ADAMTSL1: variants seen among roughly 807,000 people sequenced by gnomAD.
The protein encoded by ADAMTSL1 is ADAMTS-like protein 1.
A neutral mutation model predicts 201.8 loss-of-function variants in ADAMTSL1; 126 were observed. That is an observed-to-expected ratio of 0.62 (90% CI 0.54 to 0.72). ADAMTSL1 has a LOEUF of 0.72. ADAMTSL1 is among the 30% of genes least tolerant of loss of function. ADAMTSL1 has a pLI of 0.00. For synonymous variants in ADAMTSL1, 1,121 were observed against 903.4 expected, an observed-to-expected ratio of 1.24 and a Z score of -4.32; for missense variants, 2,679 against 2,277.8, an observed-to-expected ratio of 1.18 and a Z score of -3.59.
intron 4 of ADAMTSL1, among the ~76,000 whole-genome samples, chr9:18,607,966 C>G (rs971342826): frequency 6.6e-6 from 1 of 152,124 alleles, no homozygotes; most frequent in Non-Finnish European, 1.5e-5. Flanking sequence ...TTTTCTTAAT[C>G]TAGTCTATCA....
chr9:18,702,459 G>C (rs1043241848), intron 13 of ADAMTSL1, among the ~76,000 whole-genome samples: 1 of 152,100 alleles, frequency 6.6e-6, no homozygotes, highest in Admixed American at 6.5e-5. Flanking sequence ...ACCATTTAGG[G>C]ATTTTATAAG....
chr9:18,083,733 G>A lies in ADAMTSL1; in HGVS notation c.88-80129G>A, dbSNP rs528577538. ...ATGTGGACAACCTCGTCCATAAGAC[G>A]TACATAATGTTTCTGGGTATTCTGT... On this transcript the variant is annotated intron_variant, in intron 1 of 29. Coordinates refer to the ADAMTSL1 transcript ENST00000680146. 5.8e-4 allele frequency among the ~76,000 whole-genome samples: 89 copies of A among 152,292 alleles called. 1 individual carries two copies. Among genetic ancestry groups the A allele is most frequent in the South Asian group, 5.6e-3 (27 of 4,822 alleles).
intron 2 of ADAMTSL1, among the ~76,000 whole-genome samples, chr9:18,335,697 T>C (rs981656748): frequency 5.9e-5 from 9 of 152,274 alleles, no homozygotes; most frequent in Admixed American, 5.9e-4. Context: ...AACAAAAATG[T>C]GAACTATCTA....
intron 1 of ADAMTSL1, among the ~76,000 whole-genome samples, chr9:18,057,615 G>C (rs1271442947): frequency 6.6e-6 from 1 of 152,150 alleles, no homozygotes; most frequent in African/African-American, 2.4e-5. Flanking sequence ...AAATCTGACT[G>C]TGGGCTGACC....
intron 23 of ADAMTSL1, among the ~76,000 whole-genome samples, chr9:18,860,382 G>A (rs746982670): frequency 1.1e-4 from 16 of 152,048 alleles, no homozygotes; most frequent in Non-Finnish European, 1.6e-4. Context: ...GATTTTAGTG[G>A]GGCACAGCCC....
intron 1 of ADAMTSL1, among the ~76,000 whole-genome samples, chr9:17,921,407 A>C (rs763527330): frequency 2.0e-5 from 3 of 152,062 alleles, no homozygotes; most frequent in Non-Finnish European, 4.4e-5. Context: ...TATTCCAAAA[A>C]TTTATTTTCA....
At chr9:18,564,681 A>G (rs2132302223) in intron 3 of ADAMTSL1, among the ~76,000 whole-genome samples, 1 of 152,316 alleles carries the variant, frequency 6.6e-6, no homozygotes, top group Admixed American at 6.5e-5. Flanking sequence ...GCCATGTTAC[A>G]AAAGGATTAT....
chr9:18,168,975 T>C (rs1193661583), intron 2 of ADAMTSL1, among the ~76,000 whole-genome samples: 4 of 150,742 alleles, frequency 2.7e-5, no homozygotes, highest in Admixed American at 6.6e-5. Flanking sequence ...ATGGGGTTGT[T>C]TGTTTTTTCT....
intron 1 of ADAMTSL1, among the ~76,000 whole-genome samples, chr9:17,960,642 T>A (rs763145990): frequency 1.3e-5 from 2 of 152,216 alleles, no homozygotes; most frequent in Admixed American, 1.3e-4. Flanking sequence ...TGCAACATTG[T>A]CTTTTTCCTT....
In ADAMTSL1 at chr9:18,011,715, C is replaced by T. The variant is rs149642922; in HGVS notation, c.87+104793C>T. ...GTGTCAAATATCATGGAGCCTCTTT[C>T]ATTTTGTAGATGGGAAGGAAATCCA... is the stretch of plus-strand genomic sequence containing the variant. On this transcript the variant is annotated intron_variant, in intron 1 of 29. Transcript: ENST00000680146. Among the ~76,000 whole-genome samples the T allele has an allele frequency of 4.7e-4, 72 of 152,112 alleles. No individual in the cohort carries two copies. In the East Asian group the frequency reaches 0.013, roughly 28 times the overall value.
intron 1 of ADAMTSL1, among the ~76,000 whole-genome samples, chr9:18,503,028 C>T (rs2131918980): frequency 6.6e-6 from 1 of 152,052 alleles, no homozygotes; most frequent in Admixed American, 6.6e-5. Flanking sequence ...GTTTTTGTGC[C>T]AGTGAAATGT....
At chr9:18,355,988 C>A (rs528624953) in intron 2 of ADAMTSL1, among the ~76,000 whole-genome samples, 9 of 152,362 alleles carry the variant, frequency 5.9e-5, no homozygotes, top group African/African-American at 1.9e-4. Flanking sequence ...GATGGCCCAC[C>A]CACTTGGCCC....
At chr9:18,666,482 C>T (rs1204233433) in intron 9 of ADAMTSL1, among the ~76,000 whole-genome samples, 1 of 152,158 alleles carries the variant, frequency 6.6e-6, no homozygotes, top group Non-Finnish European at 1.5e-5. Flanking sequence ...GAGACACACC[C>T]TCCTGCATGT....
intron 2 of ADAMTSL1, among the ~76,000 whole-genome samples, chr9:18,266,681 C>T (rs998930897): frequency 1.3e-5 from 2 of 152,132 alleles, no homozygotes; most frequent in African/African-American, 4.8e-5. Context: ...CCATGGTCCT[C>T]ATCATGGTGA....
intron 4 of ADAMTSL1, among the ~76,000 whole-genome samples, chr9:18,621,059 C>T (rs1032171945): frequency 3.3e-5 from 5 of 152,122 alleles, no homozygotes; most frequent in African/African-American, 9.7e-5. Flanking sequence ...AAAGGCAAGA[C>T]GAACTGTGAG....
At position 17,993,396 on chromosome 9, in the gene ADAMTSL1, G is replaced by A. The variant is rs1281227354; in HGVS notation, c.87+86474G>A. Among the ~76,000 whole-genome samples the A allele has an allele frequency of 2.6e-5, 4 of 152,178 alleles. 1 individual carries two copies. The East Asian group carries it at 7.7e-4, about 29-fold the overall frequency. On this transcript the variant is annotated intron_variant, in intron 1 of 29. Coordinates refer to the ADAMTSL1 transcript ENST00000680146. ...GGATACCTCTGCTATACTGGTGAAA[G>A]TCATGGCTGAAGTTCATGCCTTTCA...
intron 3 of ADAMTSL1, among the ~76,000 whole-genome samples, chr9:18,566,916 G>A (rs1821937853): frequency 6.6e-6 from 1 of 152,156 alleles, no homozygotes; most frequent in Admixed American, 6.5e-5. Context: ...TGTGTTTTTT[G>A]TGTATAGAAA....
intron 2 of ADAMTSL1, among the ~76,000 whole-genome samples, chr9:18,287,595 A>G (rs1176898448): frequency 1.5e-5 from 2 of 129,316 alleles, no homozygotes; most frequent in African/African-American, 4.3e-5. Flanking sequence ...GTATATATAC[A>G]CACATATATG....
At chr9:18,801,536 C>T (rs1227096253) in intron 20 of ADAMTSL1, among the ~76,000 whole-genome samples, 1 of 152,170 alleles carries the variant, frequency 6.6e-6, no homozygotes, top group Non-Finnish European at 1.5e-5. Context: ...TCCCACTCTC[C>T]ACCCTCAAGT....
Sources: gnomAD v4.1 joint callset for allele counts (sites outside exome capture counted in the v4.1 genomes callset) on GRCh38, gnomAD v4.1.1 for gene constraint, MANE v1.5 for transcripts, NCBI Gene and HGNC (gene_info 2026-07-23, HGNC 2026-07-21) for gene names.